Variants in HMCN1 observed in about 807,000 individuals in gnomAD.
HMCN1 encodes hemicentin 1.
Under a neutral mutation model 625.9 loss-of-function variants are expected in HMCN1, and 321 were observed. The ratio of observed to expected loss-of-function variants is 0.51; its 90% CI spans 0.47 to 0.56. The LOEUF is 0.56. Ranked by LOEUF, HMCN1 falls within the 20% of genes least tolerant of loss-of-function variation. The pLI is 0.00. For missense variants in HMCN1, 6,588 were observed against 6,887.3 expected (o/e 0.96, Z 1.54); for synonymous variants, 2,425 against 2,417.6 (o/e 1.00, Z -0.09).
intron 4 of HMCN1, among the ~76,000 whole-genome samples, chr1:185,884,601 T>A (rs1292157045): frequency 6.6e-6 from 1 of 152,064 alleles, no homozygotes; most frequent in Non-Finnish European, 1.5e-5. Context: ...TTCTATATTT[T>A]GCCTAATGGC....
chr1:185,926,219 A>G (rs921018898), intron 9 of HMCN1, among the ~76,000 whole-genome samples: 32 of 152,332 alleles, frequency 2.1e-4, no homozygotes, highest in African/African-American at 7.0e-4. Flanking sequence ...CAATATCAAC[A>G]TAACTTCCAT....
chr1:185,924,900 T>C (rs952612617), intron 8 of HMCN1, 147 bp from the exon 9 acceptor site: 7 of 767,080 alleles, frequency 9.1e-6, no homozygotes, highest in African/African-American at 1.8e-5. Context: ...AAAAAGTAAT[T>C]TTTAGTGATC....
Position 185,902,401 on chromosome 1 carries a change from CTATCTCTATCTATCTA to C in HMCN1, c.622-6934_622-6919del, listed in dbSNP as rs1317411584. 2.0e-3 allele frequency among the ~76,000 whole-genome samples: 267 copies of C among 136,196 alleles called. 1 individual carries two copies. The highest frequency in any genetic ancestry group is 8.4e-3 in the African/African-American group (254 of 30,330). 89.3% of individuals were successfully genotyped at this position (136,196 alleles called of 152,430 possible). Reference sequence around the variant, plus strand: ...TGTCTCTATCTATCTATCTATCTATCTATCTCTATCTATCTATCTATCTATCTATCTATCTATCTAT... The same window carrying C: ...TGTCTCTATCTATCTATCTATCTATCTCTATCTATCTATCTATCTATCTAT... On this transcript the variant is annotated intron_variant, in intron 4 of 106. Transcript: ENST00000271588.
At chr1:185,865,627 ACACAT>A (rs1663135660) in intron 3 of HMCN1, 109 bp from the exon 4 acceptor site, 45 of 752,776 alleles carry the variant, frequency 6.0e-5, no homozygotes, top group Middle Eastern at 3.7e-4. Flanking sequence ...ACACACACAC[ACACAT>A]TCACATATTC....
At chr1:185,803,901 T>C (rs533354890) in intron 1 of HMCN1, among the ~76,000 whole-genome samples, 86 of 152,096 alleles carry the variant, frequency 5.7e-4, no homozygotes, top group Non-Finnish European at 1.1e-3. Flanking sequence ...CATTGCTTTT[T>C]GGCTATCATT....
intron 11 of HMCN1, among the ~76,000 whole-genome samples, chr1:185,935,708 T>G (rs754266475): frequency 2.0e-5 from 3 of 152,122 alleles, no homozygotes; most frequent in Non-Finnish European, 4.4e-5. Context: ...AAGGGCCAAT[T>G]TTGATGATAA....
intron 20 of HMCN1, 92 bp from the exon 21 acceptor site, chr1:185,989,396 T>A: frequency 6.9e-7 from 1 of 1,450,584 alleles, no homozygotes; most frequent in Non-Finnish European, 9.7e-7. Context: ...TGTTTTTTTC[T>A]CTCTATTCCT....
intron 1 of HMCN1, among the ~76,000 whole-genome samples, chr1:185,799,625 T>C (rs886373879): frequency 6.6e-6 from 1 of 152,028 alleles, no homozygotes; most frequent in African/African-American, 2.4e-5. Flanking sequence ...GGCAGGTAGG[T>C]CAGTGAGCTC....
chr1:186,108,809 A>G (rs1443971572), intron 71 of HMCN1, among the ~76,000 whole-genome samples: 1 of 152,208 alleles, frequency 6.6e-6, no homozygotes, highest in Admixed American at 6.5e-5. Flanking sequence ...GTCATGGGTC[A>G]AAGAAAGGTA....
Position 186,107,116 on chromosome 1 carries a change from C to T in HMCN1, c.10852+151C>T, listed in dbSNP as rs578021523. The T allele has an allele frequency of 2.7e-5, 17 of 641,040 alleles. No homozygotes were observed. In the East Asian group the frequency reaches 2.9e-4, roughly 11 times the overall value. 39.7% of individuals were successfully genotyped at this position (641,040 alleles called of 1,614,324 possible). A position where few individuals can be genotyped will look rare whatever the true frequency, so the allele number is the denominator to read the frequency against. On this transcript the variant is annotated intron_variant, in intron 70 of 106. Coordinates refer to ENST00000271588, the MANE Select transcript of HMCN1 (RefSeq NM_031935.3). ...TCTTTTTTTTTTTGAGACGGAGTCT[C>T]GCTTTGTCGCCCAGGCTGGAGTGCA...
At position 185,767,941 on chromosome 1, in the gene HMCN1, T is replaced by A. The variant is rs527410052; in HGVS notation, c.268+32894T>A. Among the ~76,000 whole-genome samples the A allele has an allele frequency of 9.5e-4, 144 of 152,200 alleles. 1 individual carries two copies. Among genetic ancestry groups the A allele is most frequent in the Admixed American group, 1.3e-3 (20 of 15,274 alleles). On this transcript the variant is annotated intron_variant, in intron 1 of 106. Transcript: ENST00000271588. Reference sequence around the variant, plus strand: ...TCTCATTTACTTGCAGCCAGACTTGTTGAAAGATGGCTATCAGAAGAAAAA... The same window carrying A: ...TCTCATTTACTTGCAGCCAGACTTGATGAAAGATGGCTATCAGAAGAAAAA...
chr1:186,050,152 T>C (rs550346795), intron 42 of HMCN1, among the ~76,000 whole-genome samples: 1 of 151,592 alleles, frequency 6.6e-6, no homozygotes, highest in African/African-American at 2.4e-5. Flanking sequence ...CTAAGTGTTA[T>C]CAAGTAAAGA....
intron 1 of HMCN1, among the ~76,000 whole-genome samples, chr1:185,788,307 G>C (rs1235784604): frequency 6.6e-6 from 1 of 152,184 alleles, no homozygotes; most frequent in Non-Finnish European, 1.5e-5. Context: ...TATGTAAGGT[G>C]TTATGCCCAA....
intron 106 of HMCN1, 71 bp downstream of exon 106, chr1:186,188,080 T>G (rs1292242971): frequency 3.2e-6 from 5 of 1,566,070 alleles, no homozygotes; most frequent in Non-Finnish European, 4.4e-6. Flanking sequence ...CAACATAAAC[T>G]TTAGTCTCTT....
rs1654352740 is a variant in HMCN1, at chr1:186,016,130, G to A, written c.5082G>A (p.Gly1694=). The A allele has an allele frequency of 1.2e-6, 2 of 1,613,430 alleles. No homozygotes were observed. Among genetic ancestry groups the A allele is most frequent in the Non-Finnish European group, 1.7e-6 (2 of 1,179,576 alleles). ...ACAATATCCGCATAGAAGCTGGTGG[G>A]AAGAAACTCGAAATCATGAGTGCCC... The part of the protein sequence containing the change: ...ANDNIRIEAG[G]KKLEIMSAQE... The change falls in exon 32 of 107, where the codon GGG becomes GGA. Residue 1694 remains glycine (G), a synonymous_variant. Transcript: ENST00000271588.
intron 21 of HMCN1, 123 bp downstream of exon 21, chr1:185,989,770 CTATTT>C: frequency 1.9e-6 from 1 of 527,956 alleles, no homozygotes; most frequent in Non-Finnish European, 3.0e-6. Flanking sequence ...CCCCAGATTT[CTATTT>C]TTTTTTTTTT....
chr1:186,183,734 G>A (rs1287106591), intron 105 of HMCN1, among the ~76,000 whole-genome samples: 1 of 152,132 alleles, frequency 6.6e-6, no homozygotes, highest in East Asian at 1.9e-4. Flanking sequence ...AGCAGAGGTA[G>A]GACTTGACCT....
chr1:186,133,399 TG>T (rs1428121133), intron 86 of HMCN1, among the ~76,000 whole-genome samples: 1 of 152,186 alleles, frequency 6.6e-6, no homozygotes, highest in Admixed American at 6.6e-5. Context: ...CTAAACGTTC[TG>T]GGTGAGATTC....
intron 57 of HMCN1, among the ~76,000 whole-genome samples, chr1:186,083,500 T>TAA (rs58407499): frequency 8.1e-5 from 10 of 123,646 alleles, no homozygotes; most frequent in South Asian, 5.1e-4. Flanking sequence ...CACTTTTTGC[T>TAA]AAAAAAAAAA....
Sources: gnomAD v4.1 joint callset for allele counts (sites outside exome capture counted in the v4.1 genomes callset) on GRCh38, gnomAD v4.1.1 for gene constraint, MANE v1.5 for transcripts, NCBI Gene and HGNC (gene_info 2026-07-23, HGNC 2026-07-21) for gene names.